PTPRN2: variants seen among roughly 807,000 people sequenced by gnomAD.
PTPRN2 encodes the protein receptor-type tyrosine-protein phosphatase N2.
In PTPRN2, 74 loss-of-function variants were observed where a neutral mutation model predicts 118.8. The ratio of observed to expected loss-of-function variants is 0.62; its 90% CI spans 0.52 to 0.76. The LOEUF (loss-of-function observed/expected upper bound fraction) is 0.76. PTPRN2 is among the 30% of genes least tolerant of loss of function. The pLI, the probability that PTPRN2 is intolerant of heterozygous loss-of-function variation, is 0.00. For synonymous variants in PTPRN2, 641 were observed against 608.0 expected (o/e 1.05, Z -0.80); for missense variants, 1,481 against 1,394.4 (o/e 1.06, Z -0.99).
chr7:157,801,529 T>G lies in PTPRN2; in HGVS notation c.1788+97144A>C, dbSNP rs992890041. Among the ~76,000 whole-genome samples, 1 of 152,064 alleles carries G rather than the reference T, an allele frequency of 6.6e-6. No individual in the cohort carries two copies. The highest frequency in any genetic ancestry group is 2.4e-5 in the African/African-American group (1 of 41,396). On this transcript the variant is annotated intron_variant, in intron 12 of 22. Coordinates refer to ENST00000389418, the MANE Select transcript of PTPRN2 (RefSeq NM_002847.5). This position sits in a 1 kb window ranked among gnomAD's most constrained non-coding sequence, Gnocchi z 4.2. Reference sequence around the variant, plus strand: ...GCACAAATCCCCATTTCTGCCCCACTGGGTTGAGAAATCTGTGGGTGATAG... The same window carrying G: ...GCACAAATCCCCATTTCTGCCCCACGGGGTTGAGAAATCTGTGGGTGATAG...
Position 158,587,609 on chromosome 7 carries a change from G to T in PTPRN2, c.61C>A (p.Pro21Thr), listed in dbSNP as rs1829053763. The change falls in exon 1 of 23, where the codon CCT (proline) becomes ACT (threonine). Residue 21 changes from proline to threonine, a missense_variant. Physicochemically the swap from Pro to Thr is conservative, Grantham distance 38. This residue lies in a region of PTPRN2 where 1,115 missense variants were observed against 994.2 expected (regional missense o/e 1.12). Coordinates refer to ENST00000389418, the MANE Select transcript of PTPRN2 (RefSeq NM_002847.5). ...CGGGGGACGGACGAAGGGGCGGCAG[G>T]CAGGACGCGTGGCGGCAGCAGCAGC... ...LLLLLPPRVL[P>T]AAPSSVPRGR... The T allele has an allele frequency of 7.3e-7, 1 of 1,362,102 alleles. No individual in the cohort carries two copies. Among genetic ancestry groups the T allele is most frequent in the East Asian group, 3.1e-5 (1 of 32,640 alleles). 84.4% of individuals were successfully genotyped at this position (1,362,102 alleles called of 1,614,324 possible). A position where few individuals can be genotyped will look rare whatever the true frequency, so the allele number is the denominator to read the frequency against.
intron 1 of PTPRN2, among the ~76,000 whole-genome samples, chr7:158,540,938 GC>G (rs1825954028): frequency 6.6e-6 from 1 of 152,218 alleles, no homozygotes; most frequent in Admixed American, 6.5e-5. Flanking sequence ...CACAGGTGCT[GC>G]CCACAAGTTA....
intron 2 of PTPRN2, among the ~76,000 whole-genome samples, chr7:158,451,885 G>A (rs1425785543): frequency 1.3e-5 from 2 of 152,038 alleles, no homozygotes; most frequent in East Asian, 1.9e-4. Context: ...TTTTCTTCCA[G>A]TACTTGTAAA....
intron 3 of PTPRN2, among the ~76,000 whole-genome samples, chr7:158,218,239 C>T (rs1339280839): frequency 6.8e-6 from 1 of 147,336 alleles, no homozygotes; most frequent in African/African-American, 2.4e-5. Context: ...TGATAGCAGA[C>T]ATGTCAGAAA....
At chr7:157,594,553 T>A (rs1003258413) in intron 17 of PTPRN2, among the ~76,000 whole-genome samples, 1 of 152,186 alleles carries the variant, frequency 6.6e-6, no homozygotes, top group Non-Finnish European at 1.5e-5. Context: ...TAGGAGCTCC[T>A]CTCTGCCAGG....
intron 1 of PTPRN2, among the ~76,000 whole-genome samples, chr7:158,493,759 T>TCATG (rs1234952915): frequency 9.4e-6 from 1 of 106,766 alleles, no homozygotes; most frequent in East Asian, 2.9e-4. Flanking sequence ...ATGGGTACAC[T>TCATG]CATGCATGCA....
At chr7:157,697,308 A>G (rs568046675) in intron 12 of PTPRN2, among the ~76,000 whole-genome samples, 155 of 145,090 alleles carry the variant, frequency 1.1e-3, no homozygotes, top group African/African-American at 2.8e-3. Context: ...GGGTCTTGGC[A>G]GAGCCCTCAC....
chr7:158,455,867 G>GACGCC (rs1818433086), intron 2 of PTPRN2, among the ~76,000 whole-genome samples: 3 of 148,846 alleles, frequency 2.0e-5, no homozygotes, highest in Non-Finnish European at 4.5e-5. Flanking sequence ...TAACAGCACG[G>GACGCC]ATGCCATCGG....
At chr7:157,989,442 A>C (rs1028516358) in intron 11 of PTPRN2, among the ~76,000 whole-genome samples, 1 of 152,202 alleles carries the variant, frequency 6.6e-6, no homozygotes, top group Non-Finnish European at 1.5e-5. Context: ...GAAAAGAGAA[A>C]AAGAAAAGAA....
intron 9 of PTPRN2, among the ~76,000 whole-genome samples, chr7:158,116,005 G>T (rs900800824): frequency 6.6e-6 from 1 of 152,154 alleles, no homozygotes; most frequent in Non-Finnish European, 1.5e-5. Flanking sequence ...TATAAGACAG[G>T]CCCGCTCTGC....
rs138361957 is a variant in PTPRN2 at position 158,111,972 on chromosome 7, G to A, written c.1557-1057C>T. Among the ~76,000 whole-genome samples the A allele has an allele frequency of 5.7e-3, 864 of 152,258 alleles. 4 individuals carry two copies. The highest frequency in any genetic ancestry group is 0.018 in the African/African-American group (768 of 41,560). ...GGAGGGTTTGGACTCAGAGACAAAC[G>A]CACAGGGTGTCGCAAAGACATGGGG... On this transcript the variant is annotated intron_variant, in intron 9 of 22. Coordinates refer to ENST00000389418, the MANE Select transcript of PTPRN2 (RefSeq NM_002847.5).
At chr7:158,009,123 C>T (rs1232729494) in intron 11 of PTPRN2, among the ~76,000 whole-genome samples, 3 of 152,116 alleles carry the variant, frequency 2.0e-5, no homozygotes, top group Admixed American at 6.5e-5. Flanking sequence ...GAGGCCCCAC[C>T]TGGTGCCCGT....
intron 12 of PTPRN2, among the ~76,000 whole-genome samples, chr7:157,840,887 G>A (rs1584838408): frequency 6.6e-6 from 1 of 152,234 alleles, no homozygotes; most frequent in Admixed American, 6.5e-5. Context: ...GAGGGGCTGG[G>A]CGCCCTCTCA....
chr7:158,478,390 G>A (rs757017316), intron 2 of PTPRN2, among the ~76,000 whole-genome samples: 6 of 152,192 alleles, frequency 3.9e-5, no homozygotes, highest in Admixed American at 6.5e-5. Flanking sequence ...GGTGCTGTGC[G>A]TAGGGTGAGC....
At chr7:157,778,528 T>G (rs1803479097) in intron 12 of PTPRN2, among the ~76,000 whole-genome samples, 1 of 151,416 alleles carries the variant, frequency 6.6e-6, no homozygotes, top group African/African-American at 2.4e-5. Context: ...TATGTAAACA[T>G]GTACATGTGA....
chr7:158,079,138 C>T (rs1345044155), intron 11 of PTPRN2, among the ~76,000 whole-genome samples: 2 of 152,158 alleles, frequency 1.3e-5, no homozygotes, highest in African/African-American at 4.8e-5. Context: ...CCACTGCACC[C>T]GGCCAATCTG....
chr7:157,819,154 G>T (rs1473784979), intron 12 of PTPRN2, among the ~76,000 whole-genome samples: 1 of 152,164 alleles, frequency 6.6e-6, no homozygotes, highest in Non-Finnish European at 1.5e-5. Flanking sequence ...ACCCGCTCAG[G>T]GTGGCCTGGG....
chr7:157,741,799 C>A (rs908923101), intron 12 of PTPRN2, among the ~76,000 whole-genome samples: 2 of 152,220 alleles, frequency 1.3e-5, no homozygotes, highest in East Asian at 1.9e-4. Context: ...TGTCCTCTCT[C>A]AGCTTTGCTC....
At chr7:158,440,932 ATGG>A (rs1162538486) in intron 2 of PTPRN2, among the ~76,000 whole-genome samples, 4 of 121,712 alleles carry the variant, frequency 3.3e-5, no homozygotes, top group Middle Eastern at 5.6e-3. Flanking sequence ...GATAGTGGTG[ATGG>A]TGGTGGTGAT....
Sources: gnomAD v4.1 joint callset for allele counts (sites outside exome capture counted in the v4.1 genomes callset) on GRCh38, gnomAD v4.1.1 for gene constraint, gnomAD v4.1.1 regional missense constraint, Gnocchi (gnomAD v3.1) non-coding constraint, MANE v1.5 for transcripts, NCBI Gene and HGNC (gene_info 2026-07-23, HGNC 2026-07-21) for gene names.